Variants in ILRUN observed in about 807,000 individuals in gnomAD.
ILRUN encodes inflammation and lipid regulator with UBA-like and NBR1-like domains, also known as protein ILRUN.
Under a neutral mutation model 33.8 loss-of-function variants are expected in ILRUN, and 3 were observed. The observed-to-expected ratio is 0.09, with a 90% CI of 0.04 to 0.23. ILRUN has a LOEUF of 0.23. Among genes scored for constraint, ILRUN ranks in the 10% least tolerant of loss-of-function variants. ILRUN has a pLI of 1.00. For synonymous variants in ILRUN, 124 were observed against 138.9 expected (o/e 0.89, Z 0.75); for missense variants, 210 against 375.1 (o/e 0.56, Z 3.64).
At chr6:34,644,566 C>G (rs1762531215) in intron 3 of ILRUN, among the ~76,000 whole-genome samples, 1 of 152,124 alleles carries the variant, frequency 6.6e-6, no homozygotes, top group African/African-American at 2.4e-5. Context: ...TGGAGTCCTA[C>G]AGGGAAGAGA....
At position 34,686,629 on chromosome 6, in the gene ILRUN, T is replaced by C. The variant is rs139742528; in HGVS notation, c.158+9817A>G. On this transcript the variant is annotated intron_variant, in intron 1 of 4. Coordinates refer to ENST00000374023, the MANE Select transcript of ILRUN (RefSeq NM_024294.4). ...GAACATTCCTAAAAGCCACCAGACT[T>C]TCTATAAGAAGTATGGCAAACACCA... is the stretch of plus-strand genomic sequence containing the variant. The C allele has an allele frequency of 2.0e-3, 421 of 211,916 alleles. 3 individuals are homozygous for C. The highest frequency in any genetic ancestry group is 2.8e-3 in the Non-Finnish European group (285 of 100,596). 13.1% of individuals were successfully genotyped at this position (211,916 alleles called of 1,614,324 possible). A position where few individuals can be genotyped will look rare whatever the true frequency, so the allele number is the denominator to read the frequency against.
chr6:34,676,547 G>C (rs959930424), intron 1 of ILRUN, among the ~76,000 whole-genome samples: 1 of 150,924 alleles, frequency 6.6e-6, no homozygotes, highest in African/African-American at 2.5e-5. Context: ...TTGTCACCTA[G>C]GCTCCAGAGC....
At chr6:34,689,692 C>T (rs896650257) in intron 1 of ILRUN, among the ~76,000 whole-genome samples, 1 of 151,602 alleles carries the variant, frequency 6.6e-6, no homozygotes, top group Non-Finnish European at 1.5e-5. Flanking sequence ...GAAGGTAATA[C>T]GTGATCAGGT....
At chr6:34,652,072 G>C (rs1226471339) in intron 2 of ILRUN, among the ~76,000 whole-genome samples, 2 of 152,126 alleles carry the variant, frequency 1.3e-5, no homozygotes, top group Non-Finnish European at 2.9e-5. Flanking sequence ...GATTACAGGT[G>C]TGAGCCACTG....
intron 4 of ILRUN, among the ~76,000 whole-genome samples, chr6:34,593,155 C>A (rs949666190): frequency 6.6e-6 from 1 of 151,700 alleles, no homozygotes; most frequent in African/African-American, 2.4e-5. Context: ...CTTCAGCCTG[C>A]GAGACAGAGT....
chr6:34,666,117 C>A (rs1388556123), intron 1 of ILRUN, among the ~76,000 whole-genome samples: 1 of 152,202 alleles, frequency 6.6e-6, no homozygotes, highest in African/African-American at 2.4e-5. Flanking sequence ...ATATGATGGG[C>A]AAAGACAATG....
rs529968667 is a variant in ILRUN, at chr6:34,604,728, C to A, written c.861+1827G>T. On this transcript the variant is annotated intron_variant, in intron 4 of 4. Transcript: ENST00000374023. ...ATTAGAGTGTTAAGATGTGAAACGT[C>A]TTTCCTCAAATACAGGCAATTTACT... Among the ~76,000 whole-genome samples the A allele has an allele frequency of 1.6e-4, 25 of 152,278 alleles. No individual in the cohort carries two copies. In the East Asian group the frequency reaches 4.4e-3, roughly 27 times the overall value.
chr6:34,639,562 C>T (rs529267042), intron 3 of ILRUN, among the ~76,000 whole-genome samples: 1 of 152,250 alleles, frequency 6.6e-6, no homozygotes, highest in Non-Finnish European at 1.5e-5. Context: ...TATCTTCTAG[C>T]AGGCAGGAAC....
chr6:34,624,836 A>C (rs1182578395), intron 3 of ILRUN, among the ~76,000 whole-genome samples: 1 of 152,232 alleles, frequency 6.6e-6, no homozygotes, highest in Non-Finnish European at 1.5e-5. Context: ...AAAAGTATAA[A>C]ACATCATTAC....
chr6:34,675,046 C>G lies in ILRUN; in HGVS notation c.159-20267G>C, dbSNP rs147453645. Among the ~76,000 whole-genome samples the G allele has an allele frequency of 3.9e-5, 6 of 152,202 alleles. No individual in the cohort carries two copies. The East Asian group carries it at 1.2e-3, about 29-fold the overall frequency. On this transcript the variant is annotated intron_variant, in intron 1 of 4. Coordinates refer to ENST00000374023, the MANE Select transcript of ILRUN (RefSeq NM_024294.4). ...AAGTAATCCCAGCACTTTCGGAGGCCCAGGTGGGCTAATCACCTGAGGTTA... is the reference window on the plus strand; with the variant it reads ...AAGTAATCCCAGCACTTTCGGAGGCGCAGGTGGGCTAATCACCTGAGGTTA...
chr6:34,638,171 A>G (rs1762404037), intron 3 of ILRUN, among the ~76,000 whole-genome samples: 1 of 151,870 alleles, frequency 6.6e-6, no homozygotes. Context: ...TACAGGCATG[A>G]GCCACCATGC....
chr6:34,653,991 T>G (rs866815934), intron 2 of ILRUN, among the ~76,000 whole-genome samples: 2,461 of 137,454 alleles, frequency 0.018, 61 homozygotes, highest in African/African-American at 0.056. Context: ...AAAAAAAAAG[T>G]GCTGGGATTC....
At chr6:34,648,575 A>G (rs1222205598) in intron 2 of ILRUN, among the ~76,000 whole-genome samples, 21 of 152,234 alleles carry the variant, frequency 1.4e-4, no homozygotes. Context: ...AAGGCTGTGG[A>G]TGATATACTG....
chr6:34,646,775 C>T lies in ILRUN; in HGVS notation c.337G>A (p.Val113Ile). 1 of 1,614,042 alleles carries T rather than the reference C, an allele frequency of 6.2e-7. No individual in the cohort carries two copies. Among genetic ancestry groups the T allele is most frequent in the Non-Finnish European group, 8.5e-7 (1 of 1,180,020 alleles). Residue 113 changes from valine (V) to isoleucine (I), a missense_variant, in exon 3 of 5, where the codon GTT becomes ATT. This residue lies in a region of ILRUN where 60 missense variants were observed against 138.1 expected (regional missense o/e 0.43). Transcript: ENST00000374023. The surrounding 1 kb of genome is among the most constrained non-coding windows in gnomAD (Gnocchi z 4.9). ...NSGAEAWPPG[V>I]CLKYVGGDQF... ...TCTCCCCCGACATATTTAAGACAAACCCCTGGAGGCCAGGCCTCTGCCCCT... is the reference window on the plus strand; with the variant it reads ...TCTCCCCCGACATATTTAAGACAAATCCCTGGAGGCCAGGCCTCTGCCCCT...
chr6:34,614,441 A>ATATATATAT lies in ILRUN; in HGVS notation c.512-7538_512-7537insATATATATA, dbSNP rs1210392851. 6.2e-4 allele frequency among the ~76,000 whole-genome samples: 69 copies of ATATATATAT among 111,990 alleles called. 1 individual carries two copies. In the East Asian group the frequency reaches 0.013, roughly 21 times the overall value. The allele number at this position is 111,990 out of a possible 152,430, so 73.5% of individuals were successfully genotyped here. A position where few individuals can be genotyped will look rare whatever the true frequency, so the allele number is the denominator to read the frequency against. On this transcript the variant is annotated intron_variant, in intron 3 of 4. Transcript: ENST00000374023. ...CATCTCAAAAAATAATAAAAAAAAAAAAATATATATATATAAAATGTATAT... is the reference window on the plus strand; with the variant it reads ...CATCTCAAAAAATAATAAAAAAAAAATATATATATAAATATATATATATAAAATGTATAT...
chr6:34,628,313 G>A (rs890401247), intron 3 of ILRUN, among the ~76,000 whole-genome samples: 1 of 150,836 alleles, frequency 6.6e-6, no homozygotes, highest in African/African-American at 2.5e-5. Context: ...GAGTCACTGA[G>A]CCTAGCCTTT....
intron 3 of ILRUN, among the ~76,000 whole-genome samples, chr6:34,627,810 TC>T (rs539147300): frequency 9.0e-4 from 136 of 151,798 alleles, no homozygotes; most frequent in South Asian, 3.5e-3. Context: ...TTCAAGCTAT[TC>T]TCCTTCCTCA....
At chr6:34,591,852 A>C (rs546667479) in intron 4 of ILRUN, among the ~76,000 whole-genome samples, 50 of 152,234 alleles carry the variant, frequency 3.3e-4, no homozygotes, top group South Asian at 1.5e-3. Flanking sequence ...TTCAAATCCA[A>C]ATTTGATGGA....
intron 3 of ILRUN, among the ~76,000 whole-genome samples, chr6:34,634,713 A>C (rs1762319970): frequency 6.6e-6 from 1 of 152,232 alleles, no homozygotes; most frequent in African/African-American, 2.4e-5. Context: ...AACTCCTTGA[A>C]ATTTTCCCAC....
Sources: gnomAD v4.1 joint callset for allele counts (sites outside exome capture counted in the v4.1 genomes callset) on GRCh38, gnomAD v4.1.1 for gene constraint, gnomAD v4.1.1 regional missense constraint, Gnocchi (gnomAD v3.1) non-coding constraint, MANE v1.5 for transcripts, NCBI Gene and HGNC (gene_info 2026-07-23, HGNC 2026-07-21) for gene names.